The following SMIM35 variants were observed in gnomAD, a reference collection of about 807,000 sequenced individuals.
The protein encoded by SMIM35 is small integral membrane protein 35, also known as TMPRSS4 antisense RNA 1 (non-protein coding).
intron 1 of SMIM35, among the ~76,000 whole-genome samples, chr11:118,056,787 T>C (rs771158584): frequency 4.6e-5 from 7 of 152,016 alleles, no homozygotes; most frequent in Non-Finnish European, 1.0e-4. Flanking sequence ...GACAGGCCAA[T>C]TCTGCAGAGA....
chr11:118,006,542 A>G (rs1377506408), intron 4 of SMIM35, among the ~76,000 whole-genome samples, 166 bp from the exon 5 acceptor site: 2 of 152,162 alleles, frequency 1.3e-5, no homozygotes, highest in East Asian at 1.9e-4. Context: ...TGCCTAACAC[A>G]TCGCAATGGG....
chr11:118,063,502 A>T (rs1477421319), intron 1 of SMIM35, among the ~76,000 whole-genome samples: 1 of 152,170 alleles, frequency 6.6e-6, no homozygotes, highest in Non-Finnish European at 1.5e-5. Flanking sequence ...TTCCTGGCAT[A>T]CAACTCCTAA....
intron 1 of SMIM35, among the ~76,000 whole-genome samples, chr11:118,040,393 C>T (rs766834324): frequency 6.6e-6 from 1 of 152,120 alleles, no homozygotes; most frequent in East Asian, 1.9e-4. Flanking sequence ...GTAAGAGGAC[C>T]TTCATAAGAT....
intron 1 of SMIM35, chr11:118,077,072 C>T (rs925050155): frequency 1.2e-5 from 6 of 491,488 alleles, no homozygotes; most frequent in African/African-American, 6.0e-5. Flanking sequence ...CCAAAGTCCC[C>T]CAATCACTCC....
intron 1 of SMIM35, among the ~76,000 whole-genome samples, chr11:118,022,782 T>C (rs558330344): frequency 7.6e-4 from 115 of 152,150 alleles, no homozygotes; most frequent in Non-Finnish European, 1.5e-3. Context: ...GTGTCTAGCA[T>C]TCAAATAGGG....
chr11:118,067,864 T>C (rs1391733920), intron 1 of SMIM35, among the ~76,000 whole-genome samples: 1 of 29,204 alleles, frequency 3.4e-5, no homozygotes, highest in Non-Finnish European at 7.3e-5. Context: ...AACAAACATA[T>C]ATATATATAT....
At chr11:118,046,801 G>A (rs951931028) in intron 1 of SMIM35, among the ~76,000 whole-genome samples, 1 of 152,176 alleles carries the variant, frequency 6.6e-6, no homozygotes, top group African/African-American at 2.4e-5. Flanking sequence ...CAGAGGAACA[G>A]GTCCATCAAA....
chr11:118,057,421 G>C (rs1466135059), intron 1 of SMIM35, among the ~76,000 whole-genome samples: 1 of 152,178 alleles, frequency 6.6e-6, no homozygotes, highest in Non-Finnish European at 1.5e-5. Flanking sequence ...ACCTTGAAGA[G>C]GACTCTGAAA....
chr11:118,044,702 A>G (rs1944065188), intron 1 of SMIM35, among the ~76,000 whole-genome samples: 1 of 144,950 alleles, frequency 6.9e-6, no homozygotes, highest in African/African-American at 2.5e-5. Flanking sequence ...TGAACCCATG[A>G]GGCAGAGGTT....
chr11:118,077,855 T>C (rs575004589), intron 1 of SMIM35, among the ~76,000 whole-genome samples: 1 of 151,398 alleles, frequency 6.6e-6, no homozygotes, highest in African/African-American at 2.4e-5. Flanking sequence ...GTACTAAAAA[T>C]ACAAAAAATT....
chr11:118,020,513 G>A (rs536194862), intron 1 of SMIM35, among the ~76,000 whole-genome samples: 3 of 152,280 alleles, frequency 2.0e-5, no homozygotes, highest in South Asian at 2.1e-4. Flanking sequence ...AAACTTACAA[G>A]TATGGCAAAT....
At chr11:118,086,071 A>G (rs1363724034) in intron 1 of SMIM35, among the ~76,000 whole-genome samples, 2 of 152,254 alleles carry the variant, frequency 1.3e-5, no homozygotes, top group African/African-American at 4.8e-5. Context: ...AATTTAGCCC[A>G]AGGGGCATGT....
chr11:118,022,249 C>T (rs774497395), intron 1 of SMIM35, among the ~76,000 whole-genome samples: 5 of 152,116 alleles, frequency 3.3e-5, no homozygotes, highest in Admixed American at 6.6e-5. Context: ...CAGGGTTTCA[C>T]CATGTTGGCC....
chr11:118,025,302 G>A (rs1591282137), intron 1 of SMIM35: 10 of 340,668 alleles, frequency 2.9e-5, no homozygotes, highest in South Asian at 1.4e-4. Context: ...AGATTGTGCA[G>A]TCAAATGGTA....
intron 4 of SMIM35, among the ~76,000 whole-genome samples, chr11:118,013,546 G>C (rs1361838934): frequency 6.6e-6 from 1 of 152,216 alleles, no homozygotes; most frequent in East Asian, 1.9e-4. Flanking sequence ...GTGGACAGGA[G>C]GAAACAGGGC....
chr11:118,044,315 GAAA>G (rs34422344), intron 1 of SMIM35, among the ~76,000 whole-genome samples: 41,556 of 134,360 alleles, frequency 0.31, 5,958 homozygotes, highest in Admixed American at 0.38. Context: ...TGGCAGAATT[GAAA>G]AAAAAAAAAA....
intron 1 of SMIM35, among the ~76,000 whole-genome samples, chr11:118,074,460 T>A (rs547282569): frequency 6.6e-6 from 1 of 151,556 alleles, no homozygotes; most frequent in East Asian, 1.9e-4. Flanking sequence ...AGAATGGGGG[T>A]TCTGGGCCGG....
intron 1 of SMIM35, among the ~76,000 whole-genome samples, chr11:118,047,803 C>T (rs552888578): frequency 6.6e-6 from 1 of 152,210 alleles, no homozygotes; most frequent in African/African-American, 2.4e-5. Flanking sequence ...AAGCAAATGC[C>T]TTCTGTGGGC....
intron 1 of SMIM35, among the ~76,000 whole-genome samples, chr11:118,077,516 G>T (rs1218038660): frequency 6.6e-6 from 1 of 152,144 alleles, no homozygotes; most frequent in African/African-American, 2.4e-5. Context: ...CATGGTCCTT[G>T]GACCAGCTCA....
Sources: gnomAD v4.1 joint callset for allele counts (sites outside exome capture counted in the v4.1 genomes callset) on GRCh38, gnomAD v4.1.1 for gene constraint, MANE v1.5 for transcripts, NCBI Gene and HGNC (gene_info 2026-07-23, HGNC 2026-07-21) for gene names.